Variants in MARCHF8 observed in about 807,000 individuals in gnomAD.
MARCHF8 encodes the protein E3 ubiquitin-protein ligase MARCHF8.
MARCHF8 carries 40 observed loss-of-function variants against 51.6 expected under a neutral mutation model. The observed-to-expected ratio is 0.77, with a 90% CI of 0.60 to 1.01. The LOEUF (loss-of-function observed/expected upper bound fraction) is 1.01, where lower values mean the gene tolerates loss of function less well. Among genes scored for constraint, MARCHF8 ranks in the 50% least tolerant of loss-of-function variants. The probability of loss-of-function intolerance (pLI) is 0.00; values close to 1 mark genes in which losing one functional copy is unlikely to be tolerated. For missense variants in MARCHF8, 685 were observed against 708.6 expected (o/e 0.97, Z 0.38); for synonymous variants, 263 against 280.3 (o/e 0.94, Z 0.62).
chr10:45,461,344 G>A lies in MARCHF8; in HGVS notation c.1156C>T (p.His386Tyr). ...ITPCHCTGSL[H>Y]FVHQACLQQW... ...TGCAGGCAGGCCTGGTGCACGAAGTGGAGGCTTCCTGTGCAGTGGCAGGGG... is the reference window on the plus strand; with the variant it reads ...TGCAGGCAGGCCTGGTGCACGAAGTAGAGGCTTCCTGTGCAGTGGCAGGGG... The change falls in exon 6 of 8, where the codon CAC becomes TAC. Residue 386 changes from histidine (H) to tyrosine (Y), a missense_variant. Transcript: ENST00000453424. 6.2e-7 allele frequency: 1 copy of A among 1,607,524 alleles called. No individual in the cohort carries two copies. Among genetic ancestry groups the A allele is most frequent in the African/African-American group, 1.3e-5 (1 of 74,570 alleles).
chr10:45,476,261 A>G (rs1256329420), intron 3 of MARCHF8, among the ~76,000 whole-genome samples: 1 of 152,220 alleles, frequency 6.6e-6, no homozygotes. Context: ...ATTCAAAATA[A>G]TGATATTAAA....
intron 1 of MARCHF8, among the ~76,000 whole-genome samples, chr10:45,558,838 T>C (rs902316569): frequency 1.3e-5 from 2 of 152,224 alleles, no homozygotes; most frequent in African/African-American, 4.8e-5. Flanking sequence ...TTTATAATTA[T>C]GTAGTACCAC....
intron 1 of MARCHF8, among the ~76,000 whole-genome samples, chr10:45,581,769 C>G (rs1206149486): frequency 6.6e-6 from 1 of 152,088 alleles, no homozygotes; most frequent in Non-Finnish European, 1.5e-5. Flanking sequence ...GTTGTGGCAA[C>G]TAAAAACTCA....
chr10:45,501,140 C>G (rs1486806885), intron 2 of MARCHF8, among the ~76,000 whole-genome samples: 1 of 138,108 alleles, frequency 7.2e-6, no homozygotes, highest in Admixed American at 7.6e-5. Flanking sequence ...AAAATTCTAG[C>G]AAGTTTTTTT....
chr10:45,488,949 A>G (rs1194791803), intron 3 of MARCHF8, among the ~76,000 whole-genome samples: 1 of 152,168 alleles, frequency 6.6e-6, no homozygotes, highest in African/African-American at 2.4e-5. Flanking sequence ...GGTGCACTAC[A>G]ATCTGTGATC....
chr10:45,585,375 A>G (rs1200639588), intron 1 of MARCHF8, among the ~76,000 whole-genome samples: 1 of 152,238 alleles, frequency 6.6e-6, no homozygotes, highest in African/African-American at 2.4e-5. Context: ...TGGAATATTC[A>G]TAATGTAACA....
intron 3 of MARCHF8, among the ~76,000 whole-genome samples, chr10:45,485,210 C>T (rs1049990665): frequency 6.6e-5 from 10 of 152,124 alleles, no homozygotes; most frequent in African/African-American, 2.2e-4. Context: ...TGGCTCTACA[C>T]TCATGAAGGT....
At chr10:45,507,941 T>C (rs1483030768) in intron 2 of MARCHF8, among the ~76,000 whole-genome samples, 1 of 152,198 alleles carries the variant, frequency 6.6e-6, no homozygotes, top group Non-Finnish European at 1.5e-5. Flanking sequence ...TGATCTGCCC[T>C]TAGTAAGAGA....
rs537924137 is a variant in MARCHF8, at chr10:45,568,851, G to A, written c.-79+25384C>T. 1.1e-4 allele frequency among the ~76,000 whole-genome samples: 16 copies of A among 151,738 alleles called. No individual in the cohort carries two copies. The South Asian group carries it at 2.3e-3, about 22-fold the overall frequency. On this transcript the variant is annotated intron_variant, in intron 1 of 6. Coordinates refer to the MARCHF8 transcript ENST00000319836. ...TGGGAGCCCAAGGCAGGTGGATCAC[G>A]AGGTCAGGAGATCGAGACCATCTTG...
At chr10:45,492,769 A>G (rs2043107926) in intron 2 of MARCHF8, among the ~76,000 whole-genome samples, 1 of 152,248 alleles carries the variant, frequency 6.6e-6, no homozygotes, top group South Asian at 2.1e-4. Flanking sequence ...GGCATAGAAT[A>G]TGGACCAAAA....
At chr10:45,511,096 A>C (rs1207191910) in intron 2 of MARCHF8, among the ~76,000 whole-genome samples, 1 of 152,234 alleles carries the variant, frequency 6.6e-6, no homozygotes, top group African/African-American at 2.4e-5. Context: ...TATTTTAGTA[A>C]TGTACTGAAG....
intron 2 of MARCHF8, among the ~76,000 whole-genome samples, chr10:45,501,401 G>C (rs1392758165): frequency 6.6e-6 from 1 of 152,028 alleles, no homozygotes; most frequent in Non-Finnish European, 1.5e-5. Context: ...TGATTTTTAA[G>C]AAAGCAATTC....
At chr10:45,513,033 C>A (rs1230206931) in intron 2 of MARCHF8, among the ~76,000 whole-genome samples, 1 of 151,034 alleles carries the variant, frequency 6.6e-6, no homozygotes, top group Admixed American at 6.6e-5. Flanking sequence ...GCAGCATGCT[C>A]GTTAAGAATC....
At chr10:45,514,323 C>T (rs1311379626) in intron 2 of MARCHF8, among the ~76,000 whole-genome samples, 5 of 152,234 alleles carry the variant, frequency 3.3e-5, no homozygotes, top group Non-Finnish European at 5.9e-5. Flanking sequence ...TGACAGGGCA[C>T]GTCTCCTACC....
intron 2 of MARCHF8, among the ~76,000 whole-genome samples, chr10:45,519,625 A>G (rs2043674537): frequency 6.6e-6 from 1 of 152,272 alleles, no homozygotes; most frequent in Non-Finnish European, 1.5e-5. Context: ...TTTTGATTTC[A>G]TATCATTTTC....
intron 1 of MARCHF8, among the ~76,000 whole-genome samples, chr10:45,544,364 C>A (rs73287396): frequency 0.025 from 3,795 of 152,240 alleles, 160 homozygotes; most frequent in African/African-American, 0.086. Context: ...GAACTGCAGT[C>A]CTTGGAATTC....
chr10:45,512,077 G>A (rs1019014022), intron 2 of MARCHF8, among the ~76,000 whole-genome samples: 5 of 150,880 alleles, frequency 3.3e-5, no homozygotes, highest in African/African-American at 1.2e-4. Context: ...CGCCTGAGAT[G>A]TGGGGAGCGC....
intron 3 of MARCHF8, among the ~76,000 whole-genome samples, chr10:45,480,743 G>A (rs2042870986): frequency 6.6e-6 from 1 of 152,236 alleles, no homozygotes; most frequent in Non-Finnish European, 1.5e-5. Context: ...TGGATGTTCA[G>A]GCACTGGTAT....
rs2043957503 is a variant in MARCHF8, at chr10:45,535,369, C to A, written c.-237G>T. 1 of 152,236 alleles carries A rather than the reference C, an allele frequency of 6.6e-6. No individual in the cohort carries two copies. Among genetic ancestry groups the A allele is most frequent in the African/African-American group, 2.4e-5 (1 of 41,456 alleles). 9.4% of individuals were successfully genotyped at this position (152,236 alleles called of 1,614,324 possible). A position where few individuals can be genotyped will look rare whatever the true frequency, so the allele number is the denominator to read the frequency against. On this transcript the variant is annotated 5_prime_UTR_variant, in exon 1 of 8. The change abolishes an upstream ATG in the 5' untranslated region. Coordinates refer to ENST00000453424, the MANE Select transcript of MARCHF8 (RefSeq NM_001282866.2). ...ACGATATCCACAGCCCTATACCTACCATGCCAAAAGCTACCTGTGGTGCTT... is the reference window on the plus strand; with the variant it reads ...ACGATATCCACAGCCCTATACCTACAATGCCAAAAGCTACCTGTGGTGCTT...
Sources: allele counts gnomAD v4.1 joint callset (sites outside exome capture counted in the v4.1 genomes callset), GRCh38; gene constraint gnomAD v4.1.1; transcripts MANE v1.5; gene names NCBI Gene and HGNC (gene_info 2026-07-23, HGNC 2026-07-21).